LEPROT: variants seen among roughly 807,000 people sequenced by gnomAD.
The protein encoded by LEPROT is leptin receptor overlapping transcript.
A neutral mutation model predicts 15.4 loss-of-function variants in LEPROT; 3 were observed. The observed-to-expected ratio is 0.19, with a 90% CI of 0.09 to 0.50. The LOEUF is 0.50. Ranked by LOEUF, LEPROT falls within the 20% of genes least tolerant of loss-of-function variation. LEPROT has a pLI of 0.97. For missense variants in LEPROT, 137 were observed against 162.2 expected (o/e 0.84, Z 0.84); for synonymous variants, 59 against 57.5 (o/e 1.03, Z -0.12).
At chr1:65,430,442 G>C (rs1646464310) in intron 3 of LEPROT, 1 of 155,866 alleles carries the variant, frequency 6.4e-6, no homozygotes, top group African/African-American at 2.4e-5. Context: ...TCTCAACTCA[G>C]TATAATAGGT....
At position 65,432,936 on chromosome 1, in the gene LEPROT, A is replaced by G; in HGVS notation, c.*1017A>G. The G allele has an allele frequency of 2.0e-6, 2 of 976,432 alleles. No homozygotes were observed. Among genetic ancestry groups the G allele is most frequent in the Non-Finnish European group, 2.4e-6 (2 of 821,744 alleles). The allele number at this position is 976,432 out of a possible 1,614,324, so 60.5% of individuals were successfully genotyped here. ...AAAATATACAATAATTTGTCAATAT[A>G]TAATCAAAATAAAAAACAAAACATA... On this transcript the variant is annotated 3_prime_UTR_variant, in exon 4 of 4. Transcript: ENST00000371065.
intron 1 of LEPROT, chr1:65,421,369 G>A: frequency 1.3e-6 from 2 of 1,535,394 alleles, no homozygotes; most frequent in African/African-American, 1.4e-5. Flanking sequence ...TTTTGCATGG[G>A]GCAGTTGGTA....
chr1:65,432,044 T>C lies in LEPROT; in HGVS notation c.*125T>C. The stretch of plus-strand genomic sequence containing the variant: ...TTTTTTAATACCTTTATATATCATG[T>C]TCACTTTAAGAAAGACTTCATAAGT... On this transcript the variant is annotated 3_prime_UTR_variant, in exon 4 of 4. Coordinates refer to ENST00000371065, the MANE Select transcript of LEPROT (RefSeq NM_017526.5). 7.2e-7 allele frequency: 1 copy of C among 1,398,044 alleles called. No homozygotes were observed. Among genetic ancestry groups the C allele is most frequent in the Non-Finnish European group, 9.3e-7 (1 of 1,076,734 alleles). The allele number at this position is 1,398,044 out of a possible 1,614,324, so 86.6% of individuals were successfully genotyped here.
chr1:65,423,020 C>G (rs1440340923), intron 1 of LEPROT, among the ~76,000 whole-genome samples: 1 of 152,150 alleles, frequency 6.6e-6, no homozygotes, highest in Non-Finnish European at 1.5e-5. Context: ...GTCACCTTGA[C>G]CTACTGATTC....
intron 2 of LEPROT, 29 bp downstream of exon 2, chr1:65,425,407 C>T (rs756101574): frequency 1.3e-6 from 2 of 1,561,080 alleles, no homozygotes; most frequent in African/African-American, 1.4e-5. Context: ...AAGAACTATT[C>T]CTCTTTCTGT....
chr1:65,421,183 A>T, intron 1 of LEPROT: 1 of 794,780 alleles, frequency 1.3e-6, no homozygotes, highest in Non-Finnish European at 1.9e-6. Context: ...CTTTTTCCTA[A>T]TGATTTTTCC....
At chr1:65,425,045 C>CT (rs761851017) in intron 1 of LEPROT, among the ~76,000 whole-genome samples, 7 of 151,964 alleles carry the variant, frequency 4.6e-5, no homozygotes, top group Non-Finnish European at 8.8e-5. Flanking sequence ...TTTTTTCTTT[C>CT]TTTTTTATTT....
intron 2 of LEPROT, among the ~76,000 whole-genome samples, chr1:65,429,150 A>G (rs1438615146): frequency 1.3e-5 from 2 of 152,178 alleles, no homozygotes; most frequent in East Asian, 3.8e-4. Context: ...GACCTGGGGT[A>G]CATTAGAATA....
In LEPROT at chr1:65,432,566, T is replaced by TAAA; in HGVS notation, c.*660_*662dup. 4.4e-5 allele frequency: 39 copies of TAAA among 882,260 alleles called. No homozygotes were observed. Among genetic ancestry groups the TAAA allele is most frequent in the Non-Finnish European group, 5.1e-5 (38 of 741,160 alleles). The allele number at this position is 882,260 out of a possible 1,614,324, so 54.7% of individuals were successfully genotyped here. Reference sequence around the variant, plus strand: ...TCTGGGTGTTACCTGCTCATTTGTTTAAAAAAAAAAAAAAAGTCTCACCTG... The same window carrying TAAA: ...TCTGGGTGTTACCTGCTCATTTGTTTAAAAAAAAAAAAAAAAAAGTCTCACCTG... On this transcript the variant is annotated 3_prime_UTR_variant, in exon 4 of 4. Transcript: ENST00000371065.
chr1:65,420,889 C>T, intron 1 of LEPROT, 149 bp downstream of exon 1: 2 of 1,045,516 alleles, frequency 1.9e-6, no homozygotes, highest in Non-Finnish European at 2.8e-6. Context: ...CGACCGCTCC[C>T]TTCGTCCCTT....
At position 65,425,322 on chromosome 1, in the gene LEPROT, C is replaced by T; in HGVS notation, c.36C>T (p.Phe12=). The change falls in exon 2 of 4, where the codon TTC becomes TTT. Residue 12 remains phenylalanine, a synonymous_variant. Transcript: ENST00000371065. ...TCACAGCTCTCGTGGCATTATCCTT[C>T]AGTGGGGCTATTGGACTGACTTTTC... is the stretch of plus-strand genomic sequence containing the variant. The part of the protein sequence containing the change: ...AGVKALVALS[F]SGAIGLTFLM... 6.2e-7 allele frequency: 1 copy of T among 1,611,548 alleles called. No homozygotes were observed. Among genetic ancestry groups the T allele is most frequent in the Non-Finnish European group, 8.5e-7 (1 of 1,179,366 alleles).
chr1:65,427,738 A>G (rs1314956569), intron 2 of LEPROT: 2 of 378,306 alleles, frequency 5.3e-6, no homozygotes, highest in East Asian at 7.8e-5. Context: ...TGCTACTACA[A>G]ATAAGTTTGT....
At position 65,435,614 on chromosome 1, in the gene LEPROT, G is replaced by A. The variant is rs896003113; in HGVS notation, c.*3695G>A. On this transcript the variant is annotated 3_prime_UTR_variant, in exon 4 of 4. Transcript: ENST00000371065. ...GATCTCCTGACCTCATGATCCGCCC[G>A]CCTCTGCCTCCCAAAGTGCTGGGAT... is the stretch of plus-strand genomic sequence containing the variant. 7.5e-6 allele frequency: 6 copies of A among 805,004 alleles called. No individual in the cohort carries two copies. The highest frequency in any genetic ancestry group is 5.6e-5 in the South Asian group (1 of 17,702). The allele number at this position is 805,004 out of a possible 1,614,324, so 49.9% of individuals were successfully genotyped here.
intron 1 of LEPROT, among the ~76,000 whole-genome samples, chr1:65,423,478 C>A (rs1401120044): frequency 1.3e-5 from 2 of 152,062 alleles, no homozygotes; most frequent in African/African-American, 4.8e-5. Context: ...TTTGACAGGC[C>A]TCATGGAGGA....
In LEPROT at chr1:65,432,896, G is replaced by A. The variant is rs114235002; in HGVS notation, c.*977G>A. The A allele has an allele frequency of 5.3e-4, 464 of 873,056 alleles. No individual in the cohort carries two copies. In the African/African-American group the frequency reaches 5.8e-3, roughly 11 times the overall value. The allele number at this position is 873,056 out of a possible 1,614,324, so 54.1% of individuals were successfully genotyped here. The stretch of plus-strand genomic sequence containing the variant: ...CCTTATATTCAAAAATCATAAAACC[G>A]TATTGTACCCTATAAAAATATACAA... On this transcript the variant is annotated 3_prime_UTR_variant, in exon 4 of 4. Transcript: ENST00000371065.
chr1:65,431,963 A>G lies in LEPROT; in HGVS notation c.*44A>G. ...GTGCATTGAATTTCTTAGAACTCAT[A>G]CTATCTGTATACATGTGCACATGCG... On this transcript the variant is annotated 3_prime_UTR_variant, in exon 4 of 4. Coordinates refer to ENST00000371065, the MANE Select transcript of LEPROT (RefSeq NM_017526.5). The G allele has an allele frequency of 6.2e-7, 1 of 1,601,126 alleles. No individual in the cohort carries two copies. Among genetic ancestry groups the G allele is most frequent in the Non-Finnish European group, 8.5e-7 (1 of 1,175,878 alleles).
At chr1:65,428,400 C>G (rs1204141868) in intron 2 of LEPROT, among the ~76,000 whole-genome samples, 1 of 152,150 alleles carries the variant, frequency 6.6e-6, no homozygotes, top group African/African-American at 2.4e-5. Flanking sequence ...CTCTGTGTCT[C>G]CTTTCTCACT....
Position 65,432,450 on chromosome 1 carries a change from A to C in LEPROT, c.*531A>C. ...TTTTGATGAGATCCAAAGGAGTTGT[A>C]TGCACATGAAAGTTTGAGAAGCATC... On this transcript the variant is annotated 3_prime_UTR_variant, in exon 4 of 4. Transcript: ENST00000371065. 3.2e-6 allele frequency: 2 copies of C among 628,412 alleles called. No individual in the cohort carries two copies. The highest frequency in any genetic ancestry group is 2.7e-4 in the East Asian group (2 of 7,282). The allele number at this position is 628,412 out of a possible 1,614,324, so 38.9% of individuals were successfully genotyped here.
At chr1:65,421,590 A>C (rs889712723) in intron 1 of LEPROT, 68 of 1,031,292 alleles carry the variant, frequency 6.6e-5, no homozygotes, top group Non-Finnish European at 9.6e-5. Flanking sequence ...ACATGTAGAT[A>C]GTATATATAC....
Sources: gnomAD v4.1 joint callset for allele counts (sites outside exome capture counted in the v4.1 genomes callset) on GRCh38, gnomAD v4.1.1 for gene constraint, MANE v1.5 for transcripts, NCBI Gene and HGNC (gene_info 2026-07-23, HGNC 2026-07-21) for gene names.